Variants in NKAIN2 observed in about 807,000 individuals in gnomAD.
The protein encoded by NKAIN2 is sodium/potassium-transporting ATPase subunit beta-1-interacting protein 2.
In NKAIN2, 14 loss-of-function variants were observed where a neutral mutation model predicts 32.6. That is an observed-to-expected ratio of 0.43 (90% confidence interval 0.28 to 0.67). The LOEUF (loss-of-function observed/expected upper bound fraction) is 0.67. NKAIN2 is among the 30% of genes least tolerant of loss of function. The pLI, the probability that NKAIN2 is intolerant of heterozygous loss-of-function variation, is 0.17. For synonymous variants in NKAIN2, 80 were observed against 87.2 expected (o/e 0.92, Z 0.46); for missense variants, 198 against 258.3 (o/e 0.77, Z 1.60).
intron 2 of NKAIN2, among the ~76,000 whole-genome samples, chr6:124,327,640 C>T (rs1797476112): frequency 1.3e-5 from 2 of 151,998 alleles, no homozygotes. Flanking sequence ...AAGAGGCAAT[C>T]ATAAAATTAT....
intron 1 of NKAIN2, among the ~76,000 whole-genome samples, chr6:124,184,415 C>T (rs1330778984): frequency 6.6e-6 from 1 of 152,038 alleles, no homozygotes; most frequent in East Asian, 1.9e-4. Flanking sequence ...TGTCTAACTC[C>T]TTCTAGCAAC....
intron 3 of NKAIN2, among the ~76,000 whole-genome samples, chr6:124,613,061 A>G (rs10499129): frequency 0.13 from 20,094 of 152,138 alleles, 1,456 homozygotes; most frequent in South Asian, 0.22. Flanking sequence ...GAATGTTTCA[A>G]TATACCCAAA....
chr6:124,802,621 C>T (rs1185848723), intron 5 of NKAIN2, among the ~76,000 whole-genome samples: 1 of 152,184 alleles, frequency 6.6e-6, no homozygotes, highest in Non-Finnish European at 1.5e-5. Context: ...GTTCTCATCT[C>T]CCTCATCACC....
chr6:124,711,635 T>C (rs1775466121), intron 4 of NKAIN2, among the ~76,000 whole-genome samples: 2 of 151,196 alleles, frequency 1.3e-5, no homozygotes, highest in South Asian at 4.2e-4. Context: ...TCTGCATTCT[T>C]CACGTAGTTC....
At chr6:124,272,618 C>G (rs928557103) in intron 1 of NKAIN2, among the ~76,000 whole-genome samples, 1 of 152,232 alleles carries the variant, frequency 6.6e-6, no homozygotes, top group Non-Finnish European at 1.5e-5. Flanking sequence ...AGAGTACCCA[C>G]TGGCCCACTG....
At chr6:124,226,215 G>A (rs1411188932) in intron 1 of NKAIN2, among the ~76,000 whole-genome samples, 1 of 151,920 alleles carries the variant, frequency 6.6e-6, no homozygotes, top group African/African-American at 2.4e-5. Flanking sequence ...TTACTTTTAT[G>A]TGAGCTCGAT....
intron 1 of NKAIN2, among the ~76,000 whole-genome samples, chr6:124,054,220 A>G (rs576878911): frequency 6.6e-6 from 1 of 152,160 alleles, no homozygotes; most frequent in African/African-American, 2.4e-5. Flanking sequence ...CTCTTTAGTA[A>G]GTTACCAAGA....
chr6:123,808,597 G>T (rs898059403), intron 1 of NKAIN2, among the ~76,000 whole-genome samples: 3 of 152,118 alleles, frequency 2.0e-5, no homozygotes, highest in African/African-American at 7.2e-5. Flanking sequence ...AGCAGGTAGC[G>T]ACTTATTTTC....
At chr6:124,504,605 A>G (rs1249406921) in intron 3 of NKAIN2, among the ~76,000 whole-genome samples, 2 of 152,206 alleles carry the variant, frequency 1.3e-5, no homozygotes, top group African/African-American at 2.4e-5. Flanking sequence ...CAAGCTAGTC[A>G]TTTTTCAAGT....
chr6:124,513,597 G>C (rs573508251), intron 3 of NKAIN2, among the ~76,000 whole-genome samples: 1 of 152,252 alleles, frequency 6.6e-6, no homozygotes, highest in African/African-American at 2.4e-5. Context: ...CAAGAACCAT[G>C]CTTATCAATA....
chr6:124,245,153 G>A (rs1793329019), intron 1 of NKAIN2, among the ~76,000 whole-genome samples: 1 of 151,994 alleles, frequency 6.6e-6, no homozygotes, highest in African/African-American at 2.4e-5. Context: ...ATTTTCCTAT[G>A]TTCTTTTTTC....
chr6:124,795,719 G>A lies in NKAIN2; in HGVS notation c.535+4320G>A, dbSNP rs181774903. On this transcript the variant is annotated intron_variant, in intron 5 of 6. Coordinates refer to ENST00000368417, the MANE Select transcript of NKAIN2 (RefSeq NM_001040214.3). ...TGAGGGCTGGTTTCCTTGCTCATAG[G>A]TGATACCTTCTTGCTGTAGCCTCAC... is the stretch of plus-strand genomic sequence containing the variant. Among the ~76,000 whole-genome samples the A allele has an allele frequency of 3.0e-4, 46 of 152,222 alleles. 1 individual carries two copies. Among genetic ancestry groups the A allele is most frequent in the Admixed American group, 2.7e-3 (42 of 15,294 alleles).
chr6:124,190,441 A>G (rs142760042), intron 1 of NKAIN2, among the ~76,000 whole-genome samples: 137 of 152,322 alleles, frequency 9.0e-4, no homozygotes, highest in African/African-American at 3.1e-3. Context: ...GAGACTTATT[A>G]TCATGTAGCT....
At chr6:124,338,055 T>C (rs969500061) in intron 2 of NKAIN2, among the ~76,000 whole-genome samples, 7 of 152,208 alleles carry the variant, frequency 4.6e-5, no homozygotes, top group African/African-American at 1.7e-4. Context: ...ATAATGCTTC[T>C]GTTTAAAATT....
chr6:124,198,204 C>T (rs138874360), intron 1 of NKAIN2, among the ~76,000 whole-genome samples: 4 of 152,010 alleles, frequency 2.6e-5, no homozygotes, highest in East Asian at 2.0e-4. Flanking sequence ...AGTATGAATC[C>T]GCTGGCCCCG....
intron 1 of NKAIN2, among the ~76,000 whole-genome samples, chr6:124,276,793 A>C (rs1209833363): frequency 6.6e-6 from 1 of 152,172 alleles, no homozygotes; most frequent in Admixed American, 6.5e-5. Flanking sequence ...AATTAGAGAA[A>C]CCAACATGGG....
intron 1 of NKAIN2, among the ~76,000 whole-genome samples, chr6:123,884,156 A>G (rs983010229): frequency 6.6e-6 from 1 of 151,642 alleles, no homozygotes; most frequent in Non-Finnish European, 1.5e-5. Context: ...GTTTCCCTCT[A>G]TGTGTCCATG....
At chr6:124,780,984 G>A (rs1335600131) in intron 4 of NKAIN2, among the ~76,000 whole-genome samples, 1 of 152,154 alleles carries the variant, frequency 6.6e-6, no homozygotes, top group Non-Finnish European at 1.5e-5. Context: ...TGGTAGCTGA[G>A]CCACTTTGTT....
At chr6:124,673,811 T>G (rs575268266) in intron 4 of NKAIN2, among the ~76,000 whole-genome samples, 1 of 152,044 alleles carries the variant, frequency 6.6e-6, no homozygotes, top group Non-Finnish European at 1.5e-5. Flanking sequence ...GGTTTACCAA[T>G]ATTTTCCACT....
Sources: gnomAD v4.1 joint callset for allele counts (sites outside exome capture counted in the v4.1 genomes callset) on GRCh38, gnomAD v4.1.1 for gene constraint, MANE v1.5 for transcripts, NCBI Gene and HGNC (gene_info 2026-07-23, HGNC 2026-07-21) for gene names.